The following ESF1 variants were observed in gnomAD, a reference collection of about 807,000 sequenced individuals.
The protein encoded by ESF1 is ESF1 homolog.
Under a neutral mutation model 92.0 loss-of-function variants are expected in ESF1, and 58 were observed. That is an observed-to-expected ratio of 0.63 (90% CI 0.51 to 0.78). The LOEUF (loss-of-function observed/expected upper bound fraction) is 0.78. Ranked by LOEUF, ESF1 falls within the 30% of genes least tolerant of loss-of-function variation. The pLI is 0.00. For synonymous variants in ESF1, 321 were observed against 313.7 expected (o/e 1.02, Z -0.24); for missense variants, 922 against 989.1 (o/e 0.93, Z 0.91).
rs1979953715 is a variant in ESF1, at chr20:13,776,580, C to G, written c.638-310G>C. Among the ~76,000 whole-genome samples, 5 of 152,124 alleles carry G rather than the reference C, an allele frequency of 3.3e-5. No homozygotes were observed. The South Asian group carries it at 1.0e-3, about 32-fold the overall frequency. ...CAGTGTGCCTGCTACGTGCTAAGTG[C>G]TCAATATACAACAGTTGGTAAAAGA... is the stretch of plus-strand genomic sequence containing the variant. On this transcript the variant is annotated intron_variant, in intron 2 of 13. Transcript: ENST00000617257.
chr20:13,781,754 C>T (rs751030233), intron 2 of ESF1, among the ~76,000 whole-genome samples: 4 of 152,208 alleles, frequency 2.6e-5, no homozygotes, highest in Admixed American at 1.3e-4. Context: ...TGGGTGACGA[C>T]GCCTTACTCA....
intron 11 of ESF1, among the ~76,000 whole-genome samples, chr20:13,721,614 CA>C (rs1178550037): frequency 2.0e-5 from 3 of 152,116 alleles, no homozygotes; most frequent in African/African-American, 7.2e-5. Flanking sequence ...ACATGATAAG[CA>C]AAACCTAAAG....
chr20:13,729,644 TAAAGA>T (rs138283014), intron 10 of ESF1, among the ~76,000 whole-genome samples: 1,789 of 152,328 alleles, frequency 0.012, 42 homozygotes, highest in African/African-American at 0.041. Context: ...ATTTGTTGGT[TAAAGA>T]AAAGAATTTT....
intron 8 of ESF1, among the ~76,000 whole-genome samples, chr20:13,760,084 A>G (rs1979092020): frequency 6.6e-6 from 1 of 152,270 alleles, no homozygotes; most frequent in African/African-American, 2.4e-5. Context: ...CCTTTTTATT[A>G]AAATTTATAT....
chr20:13,754,153 C>G (rs1775001769), intron 9 of ESF1, among the ~76,000 whole-genome samples: 1 of 152,118 alleles, frequency 6.6e-6, no homozygotes, highest in Non-Finnish European at 1.5e-5. Context: ...ACTTTCATCC[C>G]CCATCATCCC....
chr20:13,767,528 T>G (rs1274431622), intron 7 of ESF1, among the ~76,000 whole-genome samples: 2 of 133,580 alleles, frequency 1.5e-5, no homozygotes, highest in Admixed American at 1.5e-4. Flanking sequence ...AAACTCTATC[T>G]CAAAAAAAAA....
intron 10 of ESF1, 46 bp from the exon 11 acceptor site, chr20:13,728,511 T>C: frequency 1.5e-6 from 2 of 1,348,966 alleles, no homozygotes. Context: ...ATTACAAGAA[T>C]TATAATAAAT....
chr20:13,735,112 C>A (rs973008834), intron 9 of ESF1, among the ~76,000 whole-genome samples: 1 of 152,040 alleles, frequency 6.6e-6, no homozygotes, highest in East Asian at 1.9e-4. Context: ...TTTCCTCCCA[C>A]GTGCACTGAT....
At chr20:13,748,601 T>A (rs1346148336) in intron 9 of ESF1, among the ~76,000 whole-genome samples, 2 of 130,138 alleles carry the variant, frequency 1.5e-5, no homozygotes, top group South Asian at 2.5e-4. Context: ...TATTTTTTTT[T>A]TTTTGAGATG....
intron 9 of ESF1, among the ~76,000 whole-genome samples, chr20:13,758,026 T>C (rs759528556): frequency 4.6e-5 from 7 of 151,744 alleles, no homozygotes; most frequent in Non-Finnish European, 8.8e-5. Flanking sequence ...CAGACATCTC[T>C]GAGTAGCATA....
At chr20:13,783,217 A>G (rs1980320193) in intron 1 of ESF1, 34 bp from the exon 2 acceptor site, 5 of 1,379,834 alleles carry the variant, frequency 3.6e-6, no homozygotes, top group Non-Finnish European at 4.9e-6. Flanking sequence ...AATGGTAATA[A>G]TGGTTAGTAC....
At chr20:13,715,918 A>G (rs1453768808) in intron 13 of ESF1, among the ~76,000 whole-genome samples, 2 of 152,234 alleles carry the variant, frequency 1.3e-5, no homozygotes, top group Non-Finnish European at 2.9e-5. Flanking sequence ...AAGGAAAAAA[A>G]TCCTGTAAAA....
At chr20:13,725,434 A>C (rs1438778221) in intron 11 of ESF1, among the ~76,000 whole-genome samples, 5 of 151,458 alleles carry the variant, frequency 3.3e-5, no homozygotes, top group Non-Finnish European at 5.9e-5. Flanking sequence ...GCTCCCCTTC[A>C]CAGTGAAACT....
chr20:13,715,773 T>C (rs897755891), intron 13 of ESF1, among the ~76,000 whole-genome samples: 1 of 152,182 alleles, frequency 6.6e-6, no homozygotes, highest in African/African-American at 2.4e-5. Context: ...TACCCTTAAC[T>C]GCAGCCAGCC....
chr20:13,773,758 C>T (rs956850441), intron 4 of ESF1, among the ~76,000 whole-genome samples: 7 of 152,094 alleles, frequency 4.6e-5, no homozygotes, highest in African/African-American at 7.2e-5. Context: ...GGCCGAGAAG[C>T]GACAGGGTGA....
intron 10 of ESF1, among the ~76,000 whole-genome samples, chr20:13,732,717 CGCTCTAA>C (rs2049951436): frequency 6.6e-6 from 1 of 152,064 alleles, no homozygotes. Flanking sequence ...TCAGTAATAA[CGCTCTAA>C]GGCACACCAC....
chr20:13,776,324 C>T, intron 2 of ESF1, 54 bp from the exon 3 acceptor site: 1 of 1,498,908 alleles, frequency 6.7e-7, no homozygotes, highest in East Asian at 2.3e-5. Flanking sequence ...CTGAATTAAA[C>T]TGAATCCAAA....
intron 3 of ESF1, 92 bp downstream of exon 3, chr20:13,775,778 TAAG>T (rs1979903420): frequency 1.4e-6 from 2 of 1,405,882 alleles, no homozygotes; most frequent in Non-Finnish European, 1.9e-6. Context: ...CTATTACCAA[TAAG>T]CTTTTCCCAC....
At chr20:13,726,393 A>G (rs2049901032) in intron 11 of ESF1, among the ~76,000 whole-genome samples, 2 of 152,120 alleles carry the variant, frequency 1.3e-5, no homozygotes, top group Admixed American at 6.5e-5. Context: ...AACACCACAC[A>G]GTGCATTCTC....
Sources: allele counts gnomAD v4.1 joint callset (sites outside exome capture counted in the v4.1 genomes callset), GRCh38; gene constraint gnomAD v4.1.1; transcripts MANE v1.5; gene names NCBI Gene and HGNC (gene_info 2026-07-23, HGNC 2026-07-21).